SLC4A5: variants seen among roughly 807,000 people sequenced by gnomAD.
SLC4A5 encodes the protein electrogenic sodium bicarbonate cotransporter 4.
In SLC4A5, 96 loss-of-function variants were observed where a neutral mutation model predicts 120.4. The ratio of observed to expected loss-of-function variants is 0.80; its 90% CI spans 0.68 to 0.94. The LOEUF (loss-of-function observed/expected upper bound fraction) is 0.94, where lower values mean the gene tolerates loss of function less well. Among genes scored for constraint, SLC4A5 ranks in the 40% least tolerant of loss-of-function variants. The pLI is 0.00. For synonymous variants in SLC4A5, 550 were observed against 571.1 expected (o/e 0.96, Z 0.53); for missense variants, 1,259 against 1,459.5 (o/e 0.86, Z 2.24).
At chr2:74,221,055 G>T (rs934677600) in intron 30 of SLC4A5, among the ~76,000 whole-genome samples, 2 of 151,968 alleles carry the variant, frequency 1.3e-5, no homozygotes, top group African/African-American at 4.8e-5. Context: ...ATGTTAGCCA[G>T]GATGGTCTCG....
At chr2:74,222,683 C>T (rs897864492) in intron 29 of SLC4A5, among the ~76,000 whole-genome samples, 185 bp downstream of exon 29, 2 of 152,204 alleles carry the variant, frequency 1.3e-5, no homozygotes, top group Non-Finnish European at 2.9e-5. Flanking sequence ...AACCATTCCC[C>T]ACTCCCTACT....
intron 8 of SLC4A5, among the ~76,000 whole-genome samples, chr2:74,277,665 T>C (rs549790267): frequency 5.3e-5 from 8 of 152,320 alleles, no homozygotes; most frequent in African/African-American, 9.6e-5. Flanking sequence ...ACAGGAGATA[T>C]AACCACCAAA....
intron 16 of SLC4A5, 91 bp downstream of exon 16, chr2:74,252,088 C>G: frequency 7.1e-7 from 1 of 1,412,290 alleles, no homozygotes; most frequent in Non-Finnish European, 9.8e-7. Context: ...GTGGGCACTA[C>G]AGACCATGGT....
chr2:74,332,188 C>T (rs1238616939), intron 4 of SLC4A5, among the ~76,000 whole-genome samples: 1 of 152,222 alleles, frequency 6.6e-6, no homozygotes, highest in Non-Finnish European at 1.5e-5. Flanking sequence ...GAACAAGTCT[C>T]ATTCTCAAAG....
At chr2:74,222,297 T>C (rs1290635188) in intron 29 of SLC4A5, among the ~76,000 whole-genome samples, 1 of 152,242 alleles carries the variant, frequency 6.6e-6, no homozygotes, top group South Asian at 2.1e-4. Flanking sequence ...TGGGGACACC[T>C]GGGGAAAGGA....
intron 16 of SLC4A5, among the ~76,000 whole-genome samples, chr2:74,251,958 A>G (rs1670804694): frequency 6.6e-6 from 1 of 152,066 alleles, no homozygotes; most frequent in African/African-American, 2.4e-5. Context: ...TCTAAGAGAA[A>G]AGTTTGGGTT....
At chr2:74,296,528 C>T (rs572958010) in intron 7 of SLC4A5, among the ~76,000 whole-genome samples, 60 of 148,924 alleles carry the variant, frequency 4.0e-4, no homozygotes, top group African/African-American at 1.3e-3. Flanking sequence ...TTTGGGAGGC[C>T]GAGGCAGGTG....
intron 7 of SLC4A5, among the ~76,000 whole-genome samples, chr2:74,300,844 T>A (rs1439270407): frequency 6.6e-6 from 1 of 152,234 alleles, no homozygotes; most frequent in African/African-American, 2.4e-5. Flanking sequence ...AGGACAAGGA[T>A]GCCTGGGCTG....
intron 7 of SLC4A5, among the ~76,000 whole-genome samples, chr2:74,289,664 G>A (rs968277860): frequency 5.9e-5 from 9 of 151,972 alleles, no homozygotes; most frequent in Non-Finnish European, 8.8e-5. Flanking sequence ...GATTGCTGGC[G>A]CTTGCTAGCA....
intron 6 of SLC4A5, among the ~76,000 whole-genome samples, chr2:74,311,770 C>T (rs1672812062): frequency 6.6e-6 from 1 of 152,134 alleles, no homozygotes; most frequent in African/African-American, 2.4e-5. Context: ...GAAGAATGTG[C>T]ATTCTGCTAT....
chr2:74,262,202 C>G, exon 11 of SLC4A5: 1 of 1,547,606 alleles, frequency 6.5e-7, no homozygotes, highest in Non-Finnish European at 8.7e-7. Context: ...TAGACTCGGG[C>G]CAGCACCAGG....
chr2:74,330,290 G>C (rs939176188), intron 4 of SLC4A5, among the ~76,000 whole-genome samples: 2 of 151,438 alleles, frequency 1.3e-5, no homozygotes, highest in African/African-American at 4.9e-5. Context: ...GAGGAGTGTG[G>C]TGTAGGTGTA....
At chr2:74,276,471 T>C (rs898648361) in intron 8 of SLC4A5, among the ~76,000 whole-genome samples, 1 of 152,200 alleles carries the variant, frequency 6.6e-6, no homozygotes, top group Non-Finnish European at 1.5e-5. Context: ...GGGATTGATG[T>C]AGTGCTGCAG....
chr2:74,334,651 T>C (rs1354964756), intron 3 of SLC4A5, among the ~76,000 whole-genome samples: 3 of 152,294 alleles, frequency 2.0e-5, no homozygotes. Context: ...CTGATGTATC[T>C]CTGATACCTA....
exon 23 of SLC4A5, chr2:74,233,471 C>G: frequency 6.2e-7 from 1 of 1,614,212 alleles, no homozygotes; most frequent in Non-Finnish European, 8.5e-7. Flanking sequence ...TCAGGATGGT[C>G]ACCAGCAGGG....
Position 74,290,699 on chromosome 2 carries a change from G to A in SLC4A5, c.272-4797C>T, listed in dbSNP as rs1672138646. On this transcript the variant is annotated intron_variant, in intron 7 of 30. Coordinates refer to ENST00000394019, the Ensembl canonical transcript of SLC4A5. Reference sequence around the variant, plus strand: ...TGAGAGGGTGAGAGAGAAATCTCAGGTGCACTAGAGAGAGAAAGGCTCAGT... The same window carrying A: ...TGAGAGGGTGAGAGAGAAATCTCAGATGCACTAGAGAGAGAAAGGCTCAGT... 4 of 984,902 alleles carry A rather than the reference G, an allele frequency of 4.1e-6. No homozygotes were observed. In the South Asian group the frequency reaches 1.9e-4, roughly 46 times the overall value. The allele number at this position is 984,902 out of a possible 1,614,324, so 61.0% of individuals were successfully genotyped here. A position where few individuals can be genotyped will look rare whatever the true frequency, so the allele number is the denominator to read the frequency against.
chr2:74,272,836 G>C (rs1054849755), intron 8 of SLC4A5, among the ~76,000 whole-genome samples: 1 of 152,206 alleles, frequency 6.6e-6, no homozygotes, highest in African/African-American at 2.4e-5. Flanking sequence ...TAGCTACCAG[G>C]TACAGTCAAG....
intron 4 of SLC4A5, among the ~76,000 whole-genome samples, chr2:74,333,231 CA>C (rs1673404878): frequency 6.6e-6 from 1 of 152,018 alleles, no homozygotes; most frequent in Non-Finnish European, 1.5e-5. Flanking sequence ...GCCCCCACAA[CA>C]AAAAAATTAT....
chr2:74,230,437 T>C (rs1670033176), intron 25 of SLC4A5, among the ~76,000 whole-genome samples: 1 of 152,106 alleles, frequency 6.6e-6, no homozygotes, highest in Non-Finnish European at 1.5e-5. Flanking sequence ...TCAAGCTGTG[T>C]GGGAAAAAGT....
Sources: allele counts gnomAD v4.1 joint callset (sites outside exome capture counted in the v4.1 genomes callset), GRCh38; gene constraint gnomAD v4.1.1; transcripts MANE v1.5; gene names NCBI Gene and HGNC (gene_info 2026-07-23, HGNC 2026-07-21).